ZMAT4: variants seen among roughly 807,000 people sequenced by gnomAD.
The protein encoded by ZMAT4 is zinc finger matrin-type 4, also known as zinc finger matrin-type protein 4.
In ZMAT4, 17 loss-of-function variants were observed where a neutral mutation model predicts 28.7. That is an observed-to-expected ratio of 0.59 (90% CI 0.41 to 0.89). The LOEUF (loss-of-function observed/expected upper bound fraction) is 0.89. Ranked by LOEUF, ZMAT4 falls within the 40% of genes least tolerant of loss-of-function variation. The probability of loss-of-function intolerance (pLI) is 0.00; values close to 1 mark genes in which losing one functional copy is unlikely to be tolerated. For synonymous variants in ZMAT4, 117 were observed against 109.2 expected (o/e 1.07, Z -0.44); for missense variants, 240 against 283.8 (o/e 0.85, Z 1.11).
At chr8:40,742,280 A>G (rs937526807) in intron 3 of ZMAT4, among the ~76,000 whole-genome samples, 7 of 151,560 alleles carry the variant, frequency 4.6e-5, no homozygotes, top group Non-Finnish European at 8.8e-5. Flanking sequence ...TATTACTGAT[A>G]ATGTAACCCC....
chr8:40,681,452 T>C (rs1809161872), intron 4 of ZMAT4, among the ~76,000 whole-genome samples: 1 of 152,210 alleles, frequency 6.6e-6, no homozygotes, highest in African/African-American at 2.4e-5. Flanking sequence ...TTTTTGCAAA[T>C]GCTACCAACA....
At chr8:40,671,369 G>A (rs141421112) in intron 5 of ZMAT4, among the ~76,000 whole-genome samples, 299 of 152,200 alleles carry the variant, frequency 2.0e-3, no homozygotes, top group African/African-American at 6.8e-3. Context: ...GTCTTGTGCC[G>A]TAATGTTCAT....
At chr8:40,595,145 C>T (rs1805046612) in intron 5 of ZMAT4, among the ~76,000 whole-genome samples, 1 of 152,120 alleles carries the variant, frequency 6.6e-6, no homozygotes, top group African/African-American at 2.4e-5. Flanking sequence ...CTCCAGGATC[C>T]ATCTGAAGCC....
rs201573468 is a variant in ZMAT4, at chr8:40,625,229, C to T, written c.578-43968G>A. 2.3e-4 allele frequency among the ~76,000 whole-genome samples: 35 copies of T among 151,968 alleles called. No homozygotes were observed. The East Asian group carries it at 3.3e-3, about 14-fold the overall frequency. ...GGAACTTAAAAAATGAGAGGAAGAA[C>T]GGAGGGAAGGCAGTGAGGGACAGGG... is the stretch of plus-strand genomic sequence containing the variant. On this transcript the variant is annotated intron_variant, in intron 5 of 6. Transcript: ENST00000297737.
Position 40,847,571 on chromosome 8 carries a change from C to T in ZMAT4, c.-4-21891G>A, listed in dbSNP as rs563666316. Among the ~76,000 whole-genome samples the T allele has an allele frequency of 1.1e-4, 17 of 152,294 alleles. No homozygotes were observed. The East Asian group carries it at 1.4e-3, about 12-fold the overall frequency. On this transcript the variant is annotated intron_variant, in intron 1 of 6. Transcript: ENST00000297737. The stretch of plus-strand genomic sequence containing the variant: ...GCAATGGGCGTTCCTGGGAAATTTC[C>T]GCTTCTTCCTCTGCAGCATGTCAGG...
intron 5 of ZMAT4, among the ~76,000 whole-genome samples, chr8:40,623,485 G>T (rs1806269709): frequency 6.6e-6 from 1 of 152,224 alleles, no homozygotes; most frequent in Non-Finnish European, 1.5e-5. Context: ...TGATATCCAA[G>T]TTACTCACAA....
intron 3 of ZMAT4, among the ~76,000 whole-genome samples, chr8:40,734,172 C>T (rs983302167): frequency 6.6e-6 from 1 of 152,152 alleles, no homozygotes. Context: ...AATAGGCACA[C>T]GTTTGGCATT....
At chr8:40,721,677 G>A (rs1811101348) in intron 3 of ZMAT4, among the ~76,000 whole-genome samples, 1 of 151,694 alleles carries the variant, frequency 6.6e-6, no homozygotes, top group South Asian at 2.1e-4. Context: ...CATTCTAACT[G>A]GTGTGAGATG....
chr8:40,832,169 TA>T (rs1185521261), intron 1 of ZMAT4, among the ~76,000 whole-genome samples: 1 of 151,938 alleles, frequency 6.6e-6, no homozygotes, highest in Non-Finnish European at 1.5e-5. Context: ...GCGACCACCA[TA>T]AAAATTCATA....
intron 5 of ZMAT4, among the ~76,000 whole-genome samples, chr8:40,646,638 T>C (rs1807330288): frequency 6.6e-6 from 1 of 152,156 alleles, no homozygotes; most frequent in African/African-American, 2.4e-5. Flanking sequence ...TTCATTATGA[T>C]AATACAGTCA....
rs187435699 is a variant in ZMAT4, at chr8:40,796,898, G to A, written c.102+28677C>T. 8.1e-3 allele frequency among the ~76,000 whole-genome samples: 1,229 copies of A among 152,236 alleles called. 8 individuals carry two copies. The highest frequency in any genetic ancestry group is 0.012 in the Non-Finnish European group (806 of 68,008). ...AGATCTCATCTCCTTCCCAGGGCAG[G>A]ATCCATGCAGCACAAGGCCTTCCAG... On this transcript the variant is annotated intron_variant, in intron 2 of 6. Coordinates refer to ENST00000297737, the MANE Select transcript of ZMAT4 (RefSeq NM_024645.3).
At chr8:40,618,469 T>C (rs962451483) in intron 5 of ZMAT4, among the ~76,000 whole-genome samples, 21 of 152,192 alleles carry the variant, frequency 1.4e-4, no homozygotes, top group African/African-American at 4.8e-4. Flanking sequence ...ATTTAAAAAA[T>C]ACAACGGTGG....
intron 3 of ZMAT4, 21 bp from the exon 4 acceptor site, chr8:40,697,422 G>A: frequency 1.3e-6 from 2 of 1,524,652 alleles, no homozygotes; most frequent in African/African-American, 2.8e-5. Context: ...AGAAAGAAAG[G>A]CCACGTGTGA....
chr8:40,818,212 C>T (rs7833515), intron 2 of ZMAT4, among the ~76,000 whole-genome samples: 110,293 of 152,140 alleles, frequency 0.72, 40,271 homozygotes, highest in East Asian at 0.84. Flanking sequence ...TTTTGACTAA[C>T]AATGACTGAT....
At chr8:40,735,259 GCATA>G (rs1231828690) in intron 3 of ZMAT4, among the ~76,000 whole-genome samples, 1 of 152,164 alleles carries the variant, frequency 6.6e-6, no homozygotes, top group Non-Finnish European at 1.5e-5. Context: ...ACAGTGCTTA[GCATA>G]TATTTGGAGT....
intron 5 of ZMAT4, among the ~76,000 whole-genome samples, chr8:40,646,793 C>T (rs910628031): frequency 7.9e-5 from 12 of 152,160 alleles, no homozygotes; most frequent in East Asian, 5.8e-4. Flanking sequence ...ATGGATAGAA[C>T]GATTAGCAAA....
At chr8:40,678,022 C>T (rs1427820466) in intron 4 of ZMAT4, among the ~76,000 whole-genome samples, 1 of 152,170 alleles carries the variant, frequency 6.6e-6, no homozygotes, top group African/African-American at 2.4e-5. Flanking sequence ...AAGCAAGCAT[C>T]AGGATGTTTT....
intron 3 of ZMAT4, among the ~76,000 whole-genome samples, chr8:40,746,522 C>A (rs531285549): frequency 2.3e-4 from 35 of 151,740 alleles, no homozygotes; most frequent in African/African-American, 8.5e-4. Context: ...TATCACCACA[C>A]CCAGTTAATT....
At chr8:40,873,604 C>T (rs1817938160) in intron 1 of ZMAT4, among the ~76,000 whole-genome samples, 1 of 152,148 alleles carries the variant, frequency 6.6e-6, no homozygotes, top group South Asian at 2.1e-4. Context: ...CTCAGTCTAC[C>T]CATCTCTGAT....
Sources: gnomAD v4.1 joint callset for allele counts (sites outside exome capture counted in the v4.1 genomes callset) on GRCh38, gnomAD v4.1.1 for gene constraint, MANE v1.5 for transcripts, NCBI Gene and HGNC (gene_info 2026-07-23, HGNC 2026-07-21) for gene names.